The following SNX3 variants were observed in gnomAD, a reference collection of about 807,000 sequenced individuals.
The protein encoded by SNX3 is sorting nexin 3, also known as sorting nexin-3.
In SNX3, 5 loss-of-function variants were observed where a neutral mutation model predicts 17.7. That is an observed-to-expected ratio of 0.28 (90% confidence interval 0.15 to 0.59). The LOEUF (loss-of-function observed/expected upper bound fraction) is 0.59, where lower values mean the gene tolerates loss of function less well. Ranked by LOEUF, SNX3 falls within the 20% of genes least tolerant of loss-of-function variation. The pLI is 0.88. For missense variants in SNX3, 132 were observed against 206.8 expected, an observed-to-expected ratio of 0.64 and a Z score of 2.22; for synonymous variants, 91 against 76.5, an observed-to-expected ratio of 1.19 and a Z score of -0.99.
chr6:108,222,650 G>T (rs1160903419), intron 2 of SNX3, among the ~76,000 whole-genome samples: 3 of 152,160 alleles, frequency 2.0e-5, no homozygotes, highest in Non-Finnish European at 4.4e-5. Context: ...TTAAGTGTGT[G>T]GAGAGGGGAA....
In SNX3 at chr6:108,260,877, C is replaced by G. The variant is rs778006414; in HGVS notation, c.45G>C (p.Pro15=). 4 of 1,611,666 alleles carry G rather than the reference C, an allele frequency of 2.5e-6. No individual in the cohort carries two copies. The highest frequency in any genetic ancestry group is 3.3e-4 in the Middle Eastern group (2 of 6,056). Residue 15 remains proline (P), a synonymous_variant, in exon 1 of 4, where the codon CCG becomes CCC. Transcript: ENST00000230085. ...VADTRRLITK[P]QNLNDAYGPP... is the part of the protein sequence containing the mutation. ...GTCCGTAGGCGTCATTCAGGTTCTG[C>G]GGCTTGGTGATCAGCCGCCGGGTGT...
intron 1 of SNX3, among the ~76,000 whole-genome samples, chr6:108,252,873 A>G (rs1775908712): frequency 6.6e-6 from 1 of 152,004 alleles, no homozygotes; most frequent in African/African-American, 2.4e-5. Context: ...CCTGATCTCG[A>G]GGGATCCACC....
chr6:108,217,542 G>T (rs1293943449), intron 2 of SNX3, among the ~76,000 whole-genome samples: 1 of 152,054 alleles, frequency 6.6e-6, no homozygotes, highest in Non-Finnish European at 1.5e-5. Flanking sequence ...ATCACCTGAG[G>T]TCAGAAGTTC....
intron 1 of SNX3, among the ~76,000 whole-genome samples, chr6:108,249,999 C>G (rs544501337): frequency 1.3e-5 from 2 of 152,200 alleles, no homozygotes; most frequent in South Asian, 4.2e-4. Context: ...TAACCTCCGC[C>G]CCCAGGGTTC....
intron 1 of SNX3, among the ~76,000 whole-genome samples, chr6:108,234,486 G>C (rs951494137): frequency 1.3e-5 from 2 of 152,050 alleles, no homozygotes; most frequent in East Asian, 3.8e-4. Context: ...AAGAGGCGGA[G>C]GTTGCGGTGA....
intron 2 of SNX3, among the ~76,000 whole-genome samples, chr6:108,215,934 A>T (rs1326209578): frequency 6.6e-6 from 1 of 152,152 alleles, no homozygotes; most frequent in Non-Finnish European, 1.5e-5. Flanking sequence ...CTTAAAAAAA[A>T]AATAAATTTT....
At chr6:108,254,051 C>T (rs1171386064) in intron 1 of SNX3, among the ~76,000 whole-genome samples, 1 of 151,526 alleles carries the variant, frequency 6.6e-6, no homozygotes, top group Non-Finnish European at 1.5e-5. Context: ...GGCATGAACC[C>T]AGGAGGTGGA....
chr6:108,214,431 C>T, intron 3 of SNX3, 67 bp downstream of exon 3: 3 of 1,490,964 alleles, frequency 2.0e-6, no homozygotes, highest in East Asian at 2.3e-5. Context: ...TGCAGTTTAG[C>T]TTAACATCTA....
intron 1 of SNX3, 44 bp from the exon 2 acceptor site, chr6:108,223,089 A>T: frequency 9.5e-7 from 1 of 1,051,028 alleles, no homozygotes; most frequent in Non-Finnish European, 1.4e-6. Flanking sequence ...ACATTAAGGA[A>T]ACTTCAAAAA....
intron 1 of SNX3, among the ~76,000 whole-genome samples, chr6:108,250,162 C>G (rs1048077083): frequency 7.2e-5 from 11 of 152,168 alleles, no homozygotes; most frequent in Non-Finnish European, 1.3e-4. Context: ...CCACCCACCT[C>G]AGACTCCCAA....
intron 2 of SNX3, among the ~76,000 whole-genome samples, chr6:108,215,518 T>A (rs1449729856): frequency 6.6e-6 from 1 of 152,204 alleles, no homozygotes; most frequent in African/African-American, 2.4e-5. Flanking sequence ...CCTATCCTGC[T>A]GTCTTTTCCC....
intron 3 of SNX3, among the ~76,000 whole-genome samples, chr6:108,212,808 T>C (rs995940465): frequency 2.0e-5 from 3 of 151,890 alleles, no homozygotes; most frequent in Admixed American, 6.6e-5. Context: ...CTTTACATCA[T>C]AGCTGGTGTA....
At chr6:108,235,621 C>T (rs1477011045) in intron 1 of SNX3, among the ~76,000 whole-genome samples, 1 of 152,200 alleles carries the variant, frequency 6.6e-6, no homozygotes, top group Non-Finnish European at 1.5e-5. Context: ...TTGGGCCAGG[C>T]ACGGTGGCTC....
At chr6:108,256,725 A>G (rs1044573043) in intron 1 of SNX3, among the ~76,000 whole-genome samples, 2 of 152,232 alleles carry the variant, frequency 1.3e-5, no homozygotes, top group Non-Finnish European at 2.9e-5. Flanking sequence ...AATCTCCAGA[A>G]TATTAAAGTT....
chr6:108,235,455 G>C (rs921048536), intron 1 of SNX3, among the ~76,000 whole-genome samples: 1 of 152,194 alleles, frequency 6.6e-6, no homozygotes. Flanking sequence ...ATGTTTAATT[G>C]TAACTGTTTT....
intron 1 of SNX3, among the ~76,000 whole-genome samples, chr6:108,236,970 T>C (rs910027971): frequency 6.6e-6 from 1 of 152,198 alleles, no homozygotes; most frequent in Non-Finnish European, 1.5e-5. Context: ...CCACAAAGAA[T>C]GTTTATTGTT....
chr6:108,238,117 A>AAAC (rs1562431977), intron 1 of SNX3, among the ~76,000 whole-genome samples: 5 of 151,100 alleles, frequency 3.3e-5, no homozygotes, highest in African/African-American at 1.2e-4. Context: ...AAAAAAAAAA[A>AAAC]AAACAAACAA....
intron 1 of SNX3, among the ~76,000 whole-genome samples, chr6:108,240,868 C>T (rs535115428): frequency 8.6e-5 from 13 of 152,032 alleles, no homozygotes; most frequent in Non-Finnish European, 1.6e-4. Flanking sequence ...TGATGTCGGG[C>T]GCAGTGGCTC....
At chr6:108,246,226 G>A (rs190633959) in intron 1 of SNX3, among the ~76,000 whole-genome samples, 1 of 150,984 alleles carries the variant, frequency 6.6e-6, no homozygotes, top group Non-Finnish European at 1.5e-5. Context: ...TTTTTTGCTA[G>A]GTTTGTCGAG....
Sources: allele counts gnomAD v4.1 joint callset (sites outside exome capture counted in the v4.1 genomes callset), GRCh38; gene constraint gnomAD v4.1.1; transcripts MANE v1.5; gene names NCBI Gene and HGNC (gene_info 2026-07-23, HGNC 2026-07-21).